The following PNPT1 variants were observed in gnomAD, a reference collection of about 807,000 sequenced individuals.
PNPT1 encodes polyribonucleotide nucleotidyltransferase 1.
Under a neutral mutation model 119.5 loss-of-function variants are expected in PNPT1, and 53 were observed. The ratio of observed to expected loss-of-function variants is 0.44; its 90% CI spans 0.36 to 0.56. PNPT1 has a LOEUF of 0.56. Among genes scored for constraint, PNPT1 ranks in the 20% least tolerant of loss-of-function variants. PNPT1 has a pLI of 0.00. For missense variants in PNPT1, 948 were observed against 938.5 expected (o/e 1.01, Z -0.13); for synonymous variants, 357 against 322.1 (o/e 1.11, Z -1.16).
intron 10 of PNPT1, 152 bp from the exon 11 acceptor site, chr2:55,671,528 T>C (rs1696913973): frequency 2.0e-6 from 1 of 505,564 alleles, no homozygotes; most frequent in Non-Finnish European, 3.5e-6. Context: ...TTATGACAAA[T>C]ACTACATGTT....
chr2:55,688,389 A>G (rs1697486753), intron 1 of PNPT1, among the ~76,000 whole-genome samples: 2 of 152,044 alleles, frequency 1.3e-5, no homozygotes, highest in South Asian at 4.1e-4. Context: ...CTTGTTGACT[A>G]CAGTAATGTT....
chr2:55,688,463 C>T (rs886980426), intron 1 of PNPT1, among the ~76,000 whole-genome samples: 3 of 152,122 alleles, frequency 2.0e-5, no homozygotes, highest in Non-Finnish European at 2.9e-5. Context: ...GTGTCTCCCA[C>T]CTGTAATCCC....
rs940359135 is a variant in PNPT1 at position 55,687,269 on chromosome 2, G to A, written c.222+376C>T. ...ATCCTGGCCAACATGGTGAAACCCC[G>A]TCTCTACTAAAAATACAAAAATTAG... On this transcript the variant is annotated intron_variant, in intron 2 of 27. Transcript: ENST00000447944. Among the ~76,000 whole-genome samples the A allele has an allele frequency of 9.9e-4, 144 of 145,924 alleles. 3 individuals are homozygous for A. The highest frequency in any genetic ancestry group is 2.2e-4 in the South Asian group (1 of 4,586).
At chr2:55,641,742 T>C (rs1441831163) in intron 25 of PNPT1, among the ~76,000 whole-genome samples, 1 of 152,226 alleles carries the variant, frequency 6.6e-6, no homozygotes, top group Non-Finnish European at 1.5e-5. Context: ...TGAACATTTT[T>C]GCTACATTTG....
intron 8 of PNPT1, 121 bp from the exon 9 acceptor site, chr2:55,673,200 C>T (rs1395920892): frequency 2.7e-6 from 2 of 731,636 alleles, no homozygotes; most frequent in Non-Finnish European, 4.1e-6. Context: ...AGTGATAGAT[C>T]CACCTTGATT....
chr2:55,679,814 T>C lies in PNPT1; in HGVS notation c.566-19A>G. On this transcript the variant is annotated intron_variant, in intron 7 of 27. Coordinates refer to ENST00000447944, the MANE Select transcript of PNPT1 (RefSeq NM_033109.5). ...ACTGCCCCTAAAATGTATTAGAATA[T>C]TGGCAACTGTTTAATGGAAATACCC... 6.6e-7 allele frequency: 1 copy of C among 1,525,706 alleles called. No homozygotes were observed. Among genetic ancestry groups the C allele is most frequent in the Non-Finnish European group, 9.0e-7 (1 of 1,110,296 alleles). The allele number at this position is 1,525,706 out of a possible 1,614,324, so 94.5% of individuals were successfully genotyped here. A position where few individuals can be genotyped will look rare whatever the true frequency, so the allele number is the denominator to read the frequency against.
At chr2:55,637,152 A>G (rs983178308) in intron 27 of PNPT1, among the ~76,000 whole-genome samples, 1 of 152,222 alleles carries the variant, frequency 6.6e-6, no homozygotes, top group South Asian at 2.1e-4. Context: ...GGCCTGAATA[A>G]CATGGCTCTT....
In PNPT1 at chr2:55,660,569, G is replaced by A. The variant is rs527965792; in HGVS notation, c.1248-376C>T. 1.2e-3 allele frequency among the ~76,000 whole-genome samples: 177 copies of A among 152,288 alleles called. 2 individuals are homozygous for A. The Middle Eastern group carries it at 0.024, about 20-fold the overall frequency. ...GCTTCTCCCAGTCAATATGTGAAAC[G>A]AAGAAAAAGTCCTGGGATGGGGCAG... is the stretch of plus-strand genomic sequence containing the variant. On this transcript the variant is annotated intron_variant, in intron 14 of 27. Transcript: ENST00000447944.
intron 14 of PNPT1, among the ~76,000 whole-genome samples, chr2:55,661,227 G>T (rs1361753493): frequency 6.6e-6 from 1 of 151,474 alleles, no homozygotes; most frequent in Non-Finnish European, 1.5e-5. Flanking sequence ...CGAGTAGCTG[G>T]GACTACAGGT....
In PNPT1 at chr2:55,665,375, T is replaced by G. The variant is rs538190606; in HGVS notation, c.1176+1616A>C. 1.3e-4 allele frequency among the ~76,000 whole-genome samples: 20 copies of G among 152,230 alleles called. No individual in the cohort carries two copies. In the East Asian group the frequency reaches 3.9e-3, roughly 29 times the overall value. ...ACTTTGAGGTACAGAAGAATTTATATCAGAACTAAGTTTTCAGGTTTACTC... is the reference window on the plus strand; with the variant it reads ...ACTTTGAGGTACAGAAGAATTTATAGCAGAACTAAGTTTTCAGGTTTACTC... On this transcript the variant is annotated intron_variant, in intron 13 of 27. Transcript: ENST00000447944.
chr2:55,676,576 G>A (rs10496043), intron 8 of PNPT1, among the ~76,000 whole-genome samples: 12,795 of 152,204 alleles, frequency 0.084, 648 homozygotes, highest in South Asian at 0.14. Context: ...AGATCTGGAT[G>A]ACTGCCCGGG....
intron 1 of PNPT1, among the ~76,000 whole-genome samples, chr2:55,691,848 T>TTATATATATATATATATATATATA (rs869195974): frequency 1.1e-5 from 1 of 87,268 alleles, no homozygotes; most frequent in African/African-American, 4.7e-5. Context: ...TTAAAAATGT[T>TTATATATATATATATATATATATA]TATATATATA....
At chr2:55,691,109 T>C (rs1163600430) in intron 1 of PNPT1, among the ~76,000 whole-genome samples, 4 of 152,232 alleles carry the variant, frequency 2.6e-5, no homozygotes, top group East Asian at 1.9e-4. Context: ...GATCTTTAAC[T>C]AGACAGAAGT....
Position 55,647,570 on chromosome 2 carries a change from A to G in PNPT1, c.1496-117T>C, listed in dbSNP as rs1272339597. On this transcript the variant is annotated intron_variant, in intron 18 of 27. Coordinates refer to ENST00000447944, the MANE Select transcript of PNPT1 (RefSeq NM_033109.5). ...AGTCTCGGTCTGTTGCCCAGACTGG[A>G]GTGCAGTGGCATGATCTTGGCTCAC... 5 of 645,682 alleles carry G rather than the reference A, an allele frequency of 7.7e-6. No individual in the cohort carries two copies. In the African/African-American group the frequency reaches 9.3e-5, roughly 12 times the overall value. 40.0% of individuals were successfully genotyped at this position (645,682 alleles called of 1,614,324 possible). A position where few individuals can be genotyped will look rare whatever the true frequency, so the allele number is the denominator to read the frequency against.
At chr2:55,638,943 T>G (rs1695758935) in intron 26 of PNPT1, among the ~76,000 whole-genome samples, 1 of 151,996 alleles carries the variant, frequency 6.6e-6, no homozygotes, top group African/African-American at 2.4e-5. Context: ...CCCAGCTAAT[T>G]TTTTCTATGT....
At chr2:55,672,141 G>A in intron 9 of PNPT1, 95 bp from the exon 10 acceptor site, 3 of 899,702 alleles carry the variant, frequency 3.3e-6, no homozygotes, top group South Asian at 1.7e-5. Context: ...ATAATAATCA[G>A]CTAAAACTTT....
chr2:55,645,458 T>C, intron 21 of PNPT1, 26 bp from the exon 22 acceptor site: 1 of 1,440,140 alleles, frequency 6.9e-7, no homozygotes, highest in Non-Finnish European at 9.7e-7. Flanking sequence ...ACAAAAATTA[T>C]AACTACATAA....
At chr2:55,692,466 G>T (rs1248112184) in intron 1 of PNPT1, among the ~76,000 whole-genome samples, 1 of 152,086 alleles carries the variant, frequency 6.6e-6, no homozygotes, top group Non-Finnish European at 1.5e-5. Flanking sequence ...TTAGATATAT[G>T]AAGTTTGCAT....
chr2:55,641,092 C>T (rs565929184), intron 25 of PNPT1, among the ~76,000 whole-genome samples: 20 of 151,904 alleles, frequency 1.3e-4, no homozygotes, highest in African/African-American at 3.9e-4. Context: ...GGCCTGGTGG[C>T]GCGCACCTGT....
Sources: allele counts gnomAD v4.1 joint callset (sites outside exome capture counted in the v4.1 genomes callset), GRCh38; gene constraint gnomAD v4.1.1; transcripts MANE v1.5; gene names NCBI Gene and HGNC (gene_info 2026-07-23, HGNC 2026-07-21).